Variants in TMEM233 observed in about 807,000 individuals in gnomAD.
TMEM233 encodes the protein transmembrane protein 233, also known as dispanin subfamily B member 2.
A neutral mutation model predicts 11.2 loss-of-function variants in TMEM233; 6 were observed. That is an observed-to-expected ratio of 0.54 (90% CI 0.29 to 1.06). TMEM233 has a LOEUF of 1.06. Among genes scored for constraint, TMEM233 ranks in the 50% least tolerant of loss-of-function variants. The probability of loss-of-function intolerance (pLI) is 0.08; values close to 1 mark genes in which losing one functional copy is unlikely to be tolerated. For synonymous variants in TMEM233, 59 were observed against 55.8 expected, an observed-to-expected ratio of 1.06 and a Z score of -0.26; for missense variants, 127 against 144.7, an observed-to-expected ratio of 0.88 and a Z score of 0.63.
chr12:119,599,468 A>G (rs1954115592), intron 1 of TMEM233, among the ~76,000 whole-genome samples: 1 of 152,198 alleles, frequency 6.6e-6, no homozygotes, highest in Admixed American at 6.5e-5. Flanking sequence ...TTAAAAGGAT[A>G]TAAACACTCA....
chr12:119,605,134 T>C (rs1280260788), intron 1 of TMEM233, among the ~76,000 whole-genome samples: 2 of 152,140 alleles, frequency 1.3e-5, no homozygotes, highest in Admixed American at 6.5e-5. Flanking sequence ...ACTTTATTTG[T>C]TCTTTGCTGT....
intron 1 of TMEM233, among the ~76,000 whole-genome samples, chr12:119,626,538 GGAGAAGA>G (rs1954767094): frequency 1.6e-5 from 1 of 63,822 alleles, no homozygotes; most frequent in African/African-American, 6.1e-5. Flanking sequence ...AAGGGAGAAG[GGAGAAGA>G]GAAGAGAAGA....
intron 1 of TMEM233, among the ~76,000 whole-genome samples, chr12:119,615,253 C>A (rs556633654): frequency 6.9e-6 from 1 of 145,206 alleles, no homozygotes; most frequent in Non-Finnish European, 1.5e-5. Context: ...ATTCTGTATT[C>A]ATCTTATTTA....
At chr12:119,633,729 T>C (rs1385181661) in intron 2 of TMEM233, among the ~76,000 whole-genome samples, 1 of 152,232 alleles carries the variant, frequency 6.6e-6, no homozygotes, top group East Asian at 1.9e-4. Flanking sequence ...ATCAATTCTC[T>C]CTTCCAGGTA....
chr12:119,626,588 AGAGAAGAGAAAAAAG>A lies in TMEM233; in HGVS notation c.187-3147_187-3133del, dbSNP rs1302824143. On this transcript the variant is annotated intron_variant, in intron 1 of 2. Coordinates refer to ENST00000426426, the MANE Select transcript of TMEM233 (RefSeq NM_001136534.3). ...AGAGAAGAGAAGAGAAGAGAAGAGA[AGAGAAGAGAAAAAAG>A]AAAAGAAAAGAAAACTACACAGGTA... is the stretch of plus-strand genomic sequence containing the variant. Among the ~76,000 whole-genome samples the A allele has an allele frequency of 7.7e-3, 1,062 of 137,456 alleles. 16 individuals carry two copies. Among genetic ancestry groups the A allele is most frequent in the South Asian group, 0.011 (45 of 4,248 alleles). The allele number at this position is 137,456 out of a possible 152,430, so 90.2% of individuals were successfully genotyped here. A position where few individuals can be genotyped will look rare whatever the true frequency, so the allele number is the denominator to read the frequency against.
At chr12:119,644,371 A>T (rs369873375), downstream of TMEM233, among the ~76,000 whole-genome samples, 21 of 152,334 alleles carry the variant, frequency 1.4e-4, no homozygotes, top group African/African-American at 4.8e-4. Flanking sequence ...AGGCAAAAAA[A>T]CAAAAACAAA....
chr12:119,626,538 G>GGAGAA (rs199737179), intron 1 of TMEM233, among the ~76,000 whole-genome samples: 1,817 of 63,154 alleles, frequency 0.029, 82 homozygotes, highest in African/African-American at 0.052. Flanking sequence ...AAGGGAGAAG[G>GGAGAA]GAGAAGAGAA....
intron 1 of TMEM233, among the ~76,000 whole-genome samples, chr12:119,606,860 TAGG>T (rs1954291329): frequency 6.6e-6 from 1 of 152,186 alleles, no homozygotes; most frequent in African/African-American, 2.4e-5. Context: ...GATTGCAAAA[TAGG>T]AGATTGGCAA....
At chr12:119,597,700 G>A (rs1221720301) in intron 1 of TMEM233, among the ~76,000 whole-genome samples, 1 of 152,172 alleles carries the variant, frequency 6.6e-6, no homozygotes, top group Non-Finnish European at 1.5e-5. Context: ...GTTAGGAGGT[G>A]GCACACTACA....
intron 1 of TMEM233, among the ~76,000 whole-genome samples, chr12:119,611,997 C>CTT (rs536116475): frequency 0.045 from 6,553 of 147,236 alleles, 196 homozygotes; most frequent in Admixed American, 0.068. Flanking sequence ...CATAGATATT[C>CTT]TTTTTTTTTT....
chr12:119,650,725 C>A, the TMEM233 span, among the ~76,000 whole-genome samples: 3 of 152,224 alleles, frequency 2.0e-5, no homozygotes, highest in Non-Finnish European at 2.9e-5. Context: ...TCACTGCAAC[C>A]TTCACCCCCC....
intron 1 of TMEM233, among the ~76,000 whole-genome samples, chr12:119,616,415 C>G (rs1264878199): frequency 6.6e-6 from 1 of 152,190 alleles, no homozygotes; most frequent in Non-Finnish European, 1.5e-5. Context: ...TTTTAAAATA[C>G]TTTGCAGGAT....
At position 119,632,590 on chromosome 12, in the gene TMEM233, C is replaced by T. The variant is rs78759225; in HGVS notation, c.323+2718C>T. 4.3e-3 allele frequency among the ~76,000 whole-genome samples: 661 copies of T among 152,204 alleles called. 4 individuals carry two copies. The highest frequency in any genetic ancestry group is 0.015 in the African/African-American group (613 of 41,518). ...CAGGGGAAGGACATACATGAGGTAG[C>T]CTGGTTATAGGACAATAGGAAGTGG... On this transcript the variant is annotated intron_variant, in intron 2 of 2. Coordinates refer to ENST00000426426, the MANE Select transcript of TMEM233 (RefSeq NM_001136534.3).
Position 119,641,526 on chromosome 12 carries a change from A to G in TMEM233, c.*821A>G, listed in dbSNP as rs979303753. 2.0e-5 allele frequency: 3 copies of G among 151,438 alleles called. No homozygotes were observed. In the East Asian group the frequency reaches 5.8e-4, roughly 29 times the overall value. 9.4% of individuals were successfully genotyped at this position (151,438 alleles called of 1,614,324 possible). Reference sequence around the variant, plus strand: ...TTTTCAATTTCTCACTCTCTCTCCTATCTCTAGCAAGTCTCAGGCAAGATC... The same window carrying G: ...TTTTCAATTTCTCACTCTCTCTCCTGTCTCTAGCAAGTCTCAGGCAAGATC... On this transcript the variant is annotated 3_prime_UTR_variant, in exon 3 of 3. Transcript: ENST00000426426.
At chr12:119,605,975 G>T (rs926083827) in intron 1 of TMEM233, among the ~76,000 whole-genome samples, 1 of 152,036 alleles carries the variant, frequency 6.6e-6, no homozygotes, top group Non-Finnish European at 1.5e-5. Context: ...ATGAATTAAC[G>T]GTGCTGAAGA....
At chr12:119,639,992 T>C (rs1955050049) in intron 2 of TMEM233, among the ~76,000 whole-genome samples, 1 of 152,226 alleles carries the variant, frequency 6.6e-6, no homozygotes, top group East Asian at 1.9e-4. Flanking sequence ...GATGAGTATA[T>C]AATTTCTACA....
At chr12:119,609,225 A>G (rs1205158985) in intron 1 of TMEM233, among the ~76,000 whole-genome samples, 2 of 152,318 alleles carry the variant, frequency 1.3e-5, no homozygotes, top group African/African-American at 4.8e-5. Flanking sequence ...GACTGGATGC[A>G]TTTTACCTCT....
At chr12:119,648,760 T>G in the TMEM233 span, among the ~76,000 whole-genome samples, 238 of 152,288 alleles carry the variant, frequency 1.6e-3, no homozygotes, top group Non-Finnish European at 2.5e-3. Context: ...ATGAATTAAT[T>G]AATTAATTAA....
chr12:119,612,528 C>T (rs1262448511), intron 1 of TMEM233, among the ~76,000 whole-genome samples: 1 of 152,030 alleles, frequency 6.6e-6, no homozygotes. Context: ...GCAGGCGGAT[C>T]ACGAGGTCAG....
Sources: gnomAD v4.1 joint callset for allele counts (sites outside exome capture counted in the v4.1 genomes callset) on GRCh38, gnomAD v4.1.1 for gene constraint, MANE v1.5 for transcripts, NCBI Gene and HGNC (gene_info 2026-07-23, HGNC 2026-07-21) for gene names.